GNAQ: variants seen among roughly 807,000 people sequenced by gnomAD.
The protein encoded by GNAQ is G protein subunit alpha q.
Under a neutral mutation model 43.9 loss-of-function variants are expected in GNAQ, and 8 were observed. That is an observed-to-expected ratio of 0.18 (90% CI 0.11 to 0.33). The LOEUF (loss-of-function observed/expected upper bound fraction) is 0.33. Ranked by LOEUF, GNAQ falls within the 10% of genes least tolerant of loss-of-function variation. The pLI is 1.00. For synonymous variants in GNAQ, 155 were observed against 170.7 expected (o/e 0.91, Z 0.71); for missense variants, 158 against 450.8 (o/e 0.35, Z 5.88).
Position 77,718,981 on chromosome 9 carries a change from T to TA in GNAQ, c.*2341dup. 1 of 232,422 alleles carries TA rather than the reference T, an allele frequency of 4.3e-6. No homozygotes were observed. The highest frequency in any genetic ancestry group is 8.5e-6 in the Non-Finnish European group (1 of 117,526). The allele number at this position is 232,422 out of a possible 1,614,324, so 14.4% of individuals were successfully genotyped here. ...TCTACAAAGTTGGTTTCCATGTTTG[T>TA]ATAAAAGCTCCGACTGATTTTATGT... On this transcript the variant is annotated 3_prime_UTR_variant, in exon 7 of 7. Transcript: ENST00000286548.
At chr9:77,952,030 A>G (rs1822984644) in intron 1 of GNAQ, among the ~76,000 whole-genome samples, 1 of 152,214 alleles carries the variant, frequency 6.6e-6, no homozygotes, top group Admixed American at 6.5e-5. Context: ...GATGACCAGC[A>G]GGATAATCAT....
chr9:77,971,484 T>C (rs1380922664), intron 1 of GNAQ, among the ~76,000 whole-genome samples: 1 of 152,050 alleles, frequency 6.6e-6, no homozygotes, highest in African/African-American at 2.4e-5. Context: ...CATACGCAAA[T>C]CAATAAACGT....
In GNAQ at chr9:77,816,101, T is replaced by C. The variant is rs1446987890; in HGVS notation, c.322-331A>G. Among the ~76,000 whole-genome samples, 5 of 152,280 alleles carry C rather than the reference T, an allele frequency of 3.3e-5. No individual in the cohort carries two copies. In the South Asian group the frequency reaches 8.3e-4, roughly 25 times the overall value. On this transcript the variant is annotated intron_variant, in intron 2 of 6. Transcript: ENST00000286548. ...ACATATTATCATAATCCTAAAATGTTATTATTAAAAGAAAAGGAGGCAGGA... is the reference window on the plus strand; with the variant it reads ...ACATATTATCATAATCCTAAAATGTCATTATTAAAAGAAAAGGAGGCAGGA...
intron 2 of GNAQ, among the ~76,000 whole-genome samples, chr9:77,824,895 A>G (rs1827169566): frequency 6.6e-6 from 1 of 152,200 alleles, no homozygotes; most frequent in African/African-American, 2.4e-5. Context: ...AATAAAAATG[A>G]GCTAAATTAA....
intron 1 of GNAQ, among the ~76,000 whole-genome samples, chr9:77,938,120 T>A (rs1008778148): frequency 5.3e-5 from 8 of 152,174 alleles, no homozygotes; most frequent in African/African-American, 1.9e-4. Context: ...CTGTATACTT[T>A]AAATGATCTC....
At chr9:77,974,535 C>T (rs1823275461) in intron 1 of GNAQ, among the ~76,000 whole-genome samples, 1 of 152,192 alleles carries the variant, frequency 6.6e-6, no homozygotes, top group Admixed American at 6.5e-5. Flanking sequence ...ATGTACTAGG[C>T]ACTAGTACAA....
intron 5 of GNAQ, among the ~76,000 whole-genome samples, chr9:77,751,640 C>T (rs1825812967): frequency 6.6e-6 from 1 of 152,030 alleles, no homozygotes; most frequent in South Asian, 2.1e-4. Flanking sequence ...GCAATGCTGC[C>T]CCCATGTGGA....
chr9:77,956,122 C>T (rs887018468), intron 1 of GNAQ, among the ~76,000 whole-genome samples: 2 of 152,064 alleles, frequency 1.3e-5, no homozygotes, highest in Non-Finnish European at 2.9e-5. Context: ...TTTCTATTTA[C>T]CAGGACTTAT....
rs1183344660 is a variant in GNAQ, at chr9:77,719,530, C to T, written c.*1793G>A. The T allele has an allele frequency of 8.6e-6, 2 of 232,494 alleles. No homozygotes were observed. The highest frequency in any genetic ancestry group is 6.1e-5 in the East Asian group (1 of 16,516). The allele number at this position is 232,494 out of a possible 1,614,324, so 14.4% of individuals were successfully genotyped here. On this transcript the variant is annotated 3_prime_UTR_variant, in exon 7 of 7. Transcript: ENST00000286548. ...CGGCTTTGGTACTCATTTAACAGGCCGTGATTTTTCTCCCTCCCCCTTTGT... is the reference window on the plus strand; with the variant it reads ...CGGCTTTGGTACTCATTTAACAGGCTGTGATTTTTCTCCCTCCCCCTTTGT...
At chr9:77,813,715 C>A (rs1433225978) in intron 3 of GNAQ, among the ~76,000 whole-genome samples, 1 of 152,062 alleles carries the variant, frequency 6.6e-6, no homozygotes, top group Non-Finnish European at 1.5e-5. Context: ...CACATAATTA[C>A]TAGATAATGG....
At chr9:77,806,117 G>A (rs760253842) in intron 3 of GNAQ, among the ~76,000 whole-genome samples, 7 of 152,086 alleles carry the variant, frequency 4.6e-5, no homozygotes, top group Non-Finnish European at 1.0e-4. Flanking sequence ...AATTGAAAAC[G>A]AAAACAAAAC....
intron 2 of GNAQ, among the ~76,000 whole-genome samples, chr9:77,837,779 A>G (rs1026887672): frequency 6.6e-6 from 1 of 152,186 alleles, no homozygotes; most frequent in African/African-American, 2.4e-5. Flanking sequence ...CTATGTGCAT[A>G]AATTCCTAAA....
intron 5 of GNAQ, among the ~76,000 whole-genome samples, chr9:77,791,231 A>G (rs1226791752): frequency 6.6e-6 from 1 of 152,204 alleles, no homozygotes; most frequent in Admixed American, 6.5e-5. Context: ...CATTGAGACA[A>G]TGTCTGAGAA....
At position 77,917,726 on chromosome 9, in the gene GNAQ, A is replaced by G. The variant is rs539591135; in HGVS notation, c.321+4435T>C. Among the ~76,000 whole-genome samples the G allele has an allele frequency of 1.9e-4, 29 of 152,276 alleles. No homozygotes were observed. In the South Asian group the frequency reaches 6.0e-3, roughly 32 times the overall value. ...TTATCAATATTTGTGTTCAGGGAAA[A>G]TGCAAAATAATATTTAGGAATAAAC... On this transcript the variant is annotated intron_variant, in intron 2 of 6. Transcript: ENST00000286548.
chr9:77,853,310 TA>T (rs1827700129), intron 2 of GNAQ, among the ~76,000 whole-genome samples: 1 of 152,128 alleles, frequency 6.6e-6, no homozygotes, highest in Admixed American at 6.5e-5. Context: ...AATAAGGATA[TA>T]AGAGTAGTTA....
intron 4 of GNAQ, among the ~76,000 whole-genome samples, chr9:77,795,247 G>A (rs1042167021): frequency 6.6e-6 from 1 of 152,114 alleles, no homozygotes; most frequent in South Asian, 2.1e-4. Flanking sequence ...GGTACAAGAC[G>A]GAGGCCATCA....
intron 5 of GNAQ, among the ~76,000 whole-genome samples, chr9:77,747,875 C>T (rs1045010759): frequency 4.6e-5 from 7 of 152,196 alleles, no homozygotes; most frequent in Non-Finnish European, 7.3e-5. Flanking sequence ...GTTCATGCAA[C>T]CTTGTGAGAT....
At chr9:77,990,158 T>C (rs1368491760) in intron 1 of GNAQ, among the ~76,000 whole-genome samples, 1 of 152,220 alleles carries the variant, frequency 6.6e-6, no homozygotes, top group Non-Finnish European at 1.5e-5. Context: ...GTGCTTTCAT[T>C]CTGTAGGTAT....
At chr9:77,973,028 A>C (rs1353910920) in intron 1 of GNAQ, among the ~76,000 whole-genome samples, 1 of 150,130 alleles carries the variant, frequency 6.7e-6, no homozygotes, top group Non-Finnish European at 1.5e-5. Context: ...AAAAAAAAAA[A>C]ACAAGACATA....
Sources: gnomAD v4.1 joint callset for allele counts (sites outside exome capture counted in the v4.1 genomes callset) on GRCh38, gnomAD v4.1.1 for gene constraint, MANE v1.5 for transcripts, NCBI Gene and HGNC (gene_info 2026-07-23, HGNC 2026-07-21) for gene names.